Variants in PKD1 observed in about 807,000 individuals in gnomAD.
PKD1 encodes polycystin-1.
PKD1 carries 81 observed loss-of-function variants against 361.7 expected under a neutral mutation model. That is an observed-to-expected ratio of 0.22 (90% confidence interval 0.19 to 0.27). The LOEUF (loss-of-function observed/expected upper bound fraction) is 0.27. PKD1 is among the 10% of genes least tolerant of loss of function. The pLI is 1.00. For missense variants in PKD1, 6,399 were observed against 6,118.3 expected, an observed-to-expected ratio of 1.05 and a Z score of -1.53; for synonymous variants, 3,615 against 2,818.3, an observed-to-expected ratio of 1.28 and a Z score of -8.95.
chr16:2,103,124 A>G, intron 23 of PKD1, 142 bp downstream of exon 23: 8 of 1,292,746 alleles, frequency 6.2e-6, no homozygotes, highest in Non-Finnish European at 8.6e-6. Flanking sequence ...CGTGGCCCCC[A>G]GCTCCTCTCT....
intron 1 of PKD1, 97 bp downstream of exon 1, chr16:2,135,378 C>A (rs1185911539): frequency 9.4e-7 from 1 of 1,069,450 alleles, no homozygotes; most frequent in South Asian, 4.5e-5. Flanking sequence ...CTGGGAGCGT[C>A]CTGGCCCGCG....
chr16:2,091,631 G>A, intron 41 of PKD1, 34 bp from the exon 42 acceptor site: 3 of 1,560,710 alleles, frequency 1.9e-6, no homozygotes, highest in Admixed American at 3.6e-5. Context: ...AGGAGCGGGT[G>A]GCAGGGCGGG....
chr16:2,108,092 G>A, intron 15 of PKD1, 60 bp from the exon 16 acceptor site: 1 of 1,577,430 alleles, frequency 6.3e-7, no homozygotes, highest in East Asian at 2.3e-5. Flanking sequence ...TTAAAGCAGA[G>A]CCCGGCCCAG....
rs1285800800 is a variant in PKD1 at position 2,113,218 on chromosome 16, G to A, written c.2928C>T (p.Thr976=). The change falls in exon 12 of 46, where the codon ACC becomes ACT. Residue 976 remains threonine (T), a synonymous_variant. Transcript: ENST00000262304. ...RWTINDKQSL[T]FQNVVFNVIY... ...TGACATTGAAGACCACGTTCTGGAA[G>A]GTCAGGGACTGCTTGTCGTTGATGG... is the stretch of plus-strand genomic sequence containing the variant. The A allele has an allele frequency of 3.0e-5, 43 of 1,412,102 alleles. No homozygotes were observed. The highest frequency in any genetic ancestry group is 3.6e-5 in the Non-Finnish European group (36 of 1,013,036). 87.5% of individuals were successfully genotyped at this position (1,412,102 alleles called of 1,614,324 possible).
intron 41 of PKD1, 48 bp from the exon 42 acceptor site, chr16:2,091,645 T>C (rs1478890380): frequency 6.4e-7 from 1 of 1,557,190 alleles, no homozygotes; most frequent in East Asian, 2.3e-5. Flanking sequence ...GGGCGGGAGC[T>C]GCGGGGACCG....
chr16:2,127,148 G>A (rs192521866), intron 1 of PKD1, among the ~76,000 whole-genome samples: 3 of 152,292 alleles, frequency 2.0e-5, no homozygotes, highest in Non-Finnish European at 2.9e-5. Flanking sequence ...CAGCGACAGC[G>A]CACACCGCCA....
At chr16:2,121,233 C>T (rs958939409) in intron 1 of PKD1, among the ~76,000 whole-genome samples, 2 of 151,680 alleles carry the variant, frequency 1.3e-5, no homozygotes, top group Non-Finnish European at 1.5e-5. Context: ...GGCGTGGTGG[C>T]AAGCACCTGT....
At position 2,111,833 on chromosome 16, in the gene PKD1, C is replaced by T. The variant is rs770755888; in HGVS notation, c.3334G>A (p.Glu1112Lys). The T allele has an allele frequency of 8.7e-6, 14 of 1,610,188 alleles. No individual in the cohort carries two copies. Among genetic ancestry groups the T allele is most frequent in the Non-Finnish European group, 1.2e-5 (14 of 1,179,576 alleles). Residue 1112 changes from glutamate to lysine, a missense_variant, in exon 15 of 46, where the codon GAG (glutamate) becomes AAG (lysine). Physicochemically the swap from Glu to Lys is moderately conservative, Grantham distance 56 (BLOSUM62 1). Coordinates refer to ENST00000262304, the MANE Select transcript of PKD1 (RefSeq NM_001009944.3). ...LLTVLASNAF[E>K]NLTQQVPVSV... ...ACAGGCACCTGCTGCGTCAGGTTCT[C>T]GAAGGCATTAGATGCCAGCACGGTC...
intron 42 of PKD1, 22 bp downstream of exon 42, chr16:2,091,401 G>A (rs1405752912): frequency 3.6e-6 from 4 of 1,118,036 alleles, no homozygotes; most frequent in Admixed American, 5.1e-5. Context: ...GAGGCGCGGG[G>A]TCTGGCCGGG....
intron 21 of PKD1, 90 bp from the exon 22 acceptor site, chr16:2,104,732 C>T: frequency 1.3e-6 from 1 of 766,736 alleles, no homozygotes; most frequent in Non-Finnish European, 2.2e-6. Flanking sequence ...CTGGCTCCCA[C>T]CCCCAGCCCT....
At chr16:2,103,129 C>T in intron 23 of PKD1, 137 bp downstream of exon 23, 3 of 1,308,986 alleles carry the variant, frequency 2.3e-6, no homozygotes, top group Non-Finnish European at 3.2e-6. Context: ...CCCCCAGCTC[C>T]TCTCTGGCCA....
rs1384786564 is a variant in PKD1, at chr16:2,090,588, G to C, written c.12141C>G (p.Leu4047=). 5 of 1,608,408 alleles carry C rather than the reference G, an allele frequency of 3.1e-6. No individual in the cohort carries two copies. The highest frequency in any genetic ancestry group is 3.3e-5 in the Admixed American group (2 of 59,936). ...GVAYAQLAIL[L]VSSCVDSLWS... ...AGAGGGAGTCCACACAGGAAGACAC[G>C]AGCTGCGGGGAAGGCGACACCAGTG... Residue 4047 remains leucine (L), a splice_region_variant and synonymous_variant, in exon 45 of 46, where the codon CTC becomes CTG. Coordinates refer to ENST00000262304, the MANE Select transcript of PKD1 (RefSeq NM_001009944.3).
chr16:2,091,655 G>T (rs963119551), intron 41 of PKD1, 58 bp from the exon 42 acceptor site: 2 of 1,554,984 alleles, frequency 1.3e-6, no homozygotes, highest in East Asian at 2.3e-5. Context: ...TGCGGGGACC[G>T]CGCAGTGCAG....
rs138212822 is a variant in PKD1 at position 2,105,969 on chromosome 16, A to G, written c.7759T>C (p.Trp2587Arg). 2 of 1,601,156 alleles carry G rather than the reference A, an allele frequency of 1.2e-6. No homozygotes were observed. Among genetic ancestry groups the G allele is most frequent in the African/African-American group, 2.7e-5 (2 of 74,762 alleles). The change falls in exon 20 of 46, where the codon TGG becomes CGG. Residue 2587 changes from tryptophan to arginine, a missense_variant. Physicochemically the swap from Trp to Arg is moderately radical, Grantham distance 101. Transcript: ENST00000262304. ...PNGSATGLTVWLHGLTASVLP... is the reference protein window; with the variant it reads ...PNGSATGLTVRLHGLTASVLP... ...ACACTAGCGGTGAGCCCGTGCAGCC[A>G]GACTGTGAGCCCCGTTGCGCTGCCG...
In PKD1 at chr16:2,113,258, A is replaced by G; in HGVS notation, c.2888T>C (p.Met963Thr). The change falls in exon 12 of 46, where the codon ATG becomes ACG. Residue 963 changes from methionine (M) to threonine (T), a missense_variant. Physicochemically the swap from Met to Thr is moderately conservative, Grantham distance 81 (BLOSUM62 -1). Coordinates refer to ENST00000262304, the MANE Select transcript of PKD1 (RefSeq NM_001009944.3). ...YSPVVEAGSDMVFRWTINDKQ... is the reference protein window; with the variant it reads ...YSPVVEAGSDTVFRWTINDKQ... ...GTCGTTGATGGTCCACCGGAAGACC[A>G]TGTCCGAGCCGGCCTCCACCACGGG... 6.3e-7 allele frequency: 1 copy of G among 1,575,068 alleles called. No homozygotes were observed. Among genetic ancestry groups the G allele is most frequent in the Non-Finnish European group, 8.6e-7 (1 of 1,161,092 alleles).
At position 2,123,611 on chromosome 16, in the gene PKD1, G is replaced by A. The variant is rs571328849; in HGVS notation, c.216-4233C>T. On this transcript the variant is annotated intron_variant, in intron 1 of 45. Coordinates refer to ENST00000262304, the MANE Select transcript of PKD1 (RefSeq NM_001009944.3). ...TCTGCACCCGCCAGGTGACATCATCGCCGCTGTCTGATGCCCTGCCCCCAC... is the reference window on the plus strand; with the variant it reads ...TCTGCACCCGCCAGGTGACATCATCACCGCTGTCTGATGCCCTGCCCCCAC... 196 of 440,238 alleles carry A rather than the reference G, an allele frequency of 4.5e-4. 3 individuals carry two copies. The highest frequency in any genetic ancestry group is 3.0e-3 in the South Asian group (190 of 62,400). The allele number at this position is 440,238 out of a possible 1,614,324, so 27.3% of individuals were successfully genotyped here.
intron 1 of PKD1, among the ~76,000 whole-genome samples, chr16:2,132,820 G>A (rs2092903167): frequency 6.7e-6 from 1 of 150,046 alleles, no homozygotes; most frequent in Non-Finnish European, 1.5e-5. Flanking sequence ...GGTGGCTCAT[G>A]CCTGTAATCC....
In PKD1 at chr16:2,093,523, ACAGGCCGCACC is replaced by A. The variant is rs2091701291; in HGVS notation, c.11016+10_11016+20del. The A allele has an allele frequency of 1.3e-6, 2 of 1,582,554 alleles. No individual in the cohort carries two copies. The highest frequency in any genetic ancestry group is 3.6e-5 in the Admixed American group (2 of 55,996). ...GACAAGAGACGGAGGTGGCAGGGGC[ACAGGCCGCACC>A]CAGGCTCACCCGCAGCATGCCATGT... On this transcript the variant is annotated intron_variant, in intron 37 of 45. Coordinates refer to ENST00000262304, the MANE Select transcript of PKD1 (RefSeq NM_001009944.3).
At chr16:2,128,580 G>A (rs1207522434) in intron 1 of PKD1, among the ~76,000 whole-genome samples, 5 of 152,230 alleles carry the variant, frequency 3.3e-5, no homozygotes, top group Non-Finnish European at 4.4e-5. Flanking sequence ...ATTTCCTGGT[G>A]TGTAAAATGA....
Sources: gnomAD v4.1 joint callset for allele counts (sites outside exome capture counted in the v4.1 genomes callset) on GRCh38, gnomAD v4.1.1 for gene constraint, MANE v1.5 for transcripts, NCBI Gene and HGNC (gene_info 2026-07-23, HGNC 2026-07-21) for gene names.